The following PCYT1B variants were observed in gnomAD, a reference collection of about 807,000 sequenced individuals.
PCYT1B encodes choline-phosphate cytidylyltransferase B.
In PCYT1B, 10 loss-of-function variants were observed where a neutral mutation model predicts 26.4. The ratio of observed to expected loss-of-function variants is 0.38; its 90% CI spans 0.23 to 0.64. The LOEUF (loss-of-function observed/expected upper bound fraction) is 0.64. Among genes scored for constraint, PCYT1B ranks in the 30% least tolerant of loss-of-function variants. The pLI, the probability that PCYT1B is intolerant of heterozygous loss-of-function variation, is 0.56. For synonymous variants in PCYT1B, 131 were observed against 108.4 expected (o/e 1.21, Z -1.29); for missense variants, 161 against 292.7 (o/e 0.55, Z 3.28).
At chrX:24,626,642 A>G (rs1266470161) in intron 1 of PCYT1B, among the ~76,000 whole-genome samples, 1 of 112,195 alleles carries the variant, frequency 8.9e-6, no homozygotes, top group Non-Finnish European at 1.9e-5. Context: ...TATATTAAGA[A>G]AAGAGGAGTA....
At chrX:24,643,193 C>A (rs1926518012) in intron 1 of PCYT1B, among the ~76,000 whole-genome samples, 1 of 111,120 alleles carries the variant, frequency 9.0e-6, no homozygotes, top group African/African-American at 3.3e-5. Context: ...ACCTGCTGAG[C>A]CCAGAGGATC....
intron 2 of PCYT1B, among the ~76,000 whole-genome samples, chrX:24,618,459 A>G (rs1236312264): frequency 3.6e-5 from 4 of 111,001 alleles, no homozygotes; most frequent in Non-Finnish European, 7.5e-5. Flanking sequence ...CTGGGGCTCA[A>G]ACTCCCTGTA....
chrX:24,613,950 C>CAAAAAAAAAAAAAA (rs200062439), intron 2 of PCYT1B, among the ~76,000 whole-genome samples: 3 of 77,211 alleles, frequency 3.9e-5, no homozygotes, highest in African/African-American at 8.8e-5. Flanking sequence ...AACAACCTGT[C>CAAAAAAAAAAAAAA]AAAAAAAAAA....
chrX:24,568,295 G>T (rs2148219996), intron 7 of PCYT1B, among the ~76,000 whole-genome samples: 1 of 112,090 alleles, frequency 8.9e-6, no homozygotes, highest in South Asian at 3.7e-4. Context: ...CACTTTGGGA[G>T]GCTGAAGTGG....
chrX:24,636,585 C>T (rs1926278249), intron 1 of PCYT1B, among the ~76,000 whole-genome samples: 1 of 112,126 alleles, frequency 8.9e-6, no homozygotes, highest in African/African-American at 3.2e-5. Context: ...TGCACTCCAG[C>T]CTGGGTGAGA....
rs1388616660 is a variant in PCYT1B at position 24,559,192 on chromosome X, C to T, written c.*3101G>A. The T allele has an allele frequency of 1.8e-5, 2 of 109,608 alleles. No individual in the cohort carries two copies. Among genetic ancestry groups the T allele is most frequent in the Admixed American group, 2.0e-4 (2 of 10,241 alleles). The allele number at this position is 109,608 out of a possible 1,213,427, so 9.0% of individuals were successfully genotyped here. A position where few individuals can be genotyped will look rare whatever the true frequency, so the allele number is the denominator to read the frequency against. On this transcript the variant is annotated 3_prime_UTR_variant, in exon 8 of 8. Coordinates refer to ENST00000379144, the MANE Select transcript of PCYT1B (RefSeq NM_004845.5). The stretch of plus-strand genomic sequence containing the variant: ...ATTAGCTGGGTGTCGTGGCAGGCAC[C>T]TGTAATCCCAGCTACTTGGGAGGCT...
At position 24,587,230 on chromosome X, in the gene PCYT1B, G is replaced by A. The variant is rs186666095; in HGVS notation, c.565+11C>T. ...ATGTGGTTGACAGGTGAGCACAGGG[G>A]AATGCCTCACCTGCTTCCTTTATGT... On this transcript the variant is annotated intron_variant, in intron 5 of 7. Coordinates refer to ENST00000379144, the MANE Select transcript of PCYT1B (RefSeq NM_004845.5). 3,980 of 1,146,320 alleles carry A rather than the reference G, an allele frequency of 3.5e-3. 133 individuals carry two copies. In the Admixed American group the frequency reaches 0.078, roughly 22 times the overall value. The allele number at this position is 1,146,320 out of a possible 1,213,427, so 94.5% of individuals were successfully genotyped here. A position where few individuals can be genotyped will look rare whatever the true frequency, so the allele number is the denominator to read the frequency against.
intron 5 of PCYT1B, among the ~76,000 whole-genome samples, chrX:24,582,740 T>G (rs1924244005): frequency 8.9e-6 from 1 of 112,186 alleles, no homozygotes; most frequent in African/African-American, 3.2e-5. Flanking sequence ...AAAGCTTAAG[T>G]CATGCCCTTG....
At chrX:24,598,322 A>G (rs1924850014) in intron 3 of PCYT1B, among the ~76,000 whole-genome samples, 1 of 111,840 alleles carries the variant, frequency 8.9e-6, no homozygotes. Context: ...TAAAATTATT[A>G]TCTGCCTCCA....
At chrX:24,572,696 A>C (rs1923871475) in intron 7 of PCYT1B, among the ~76,000 whole-genome samples, 2 of 111,134 alleles carry the variant, frequency 1.8e-5, no homozygotes, top group Non-Finnish European at 3.8e-5. Flanking sequence ...CAACAGAAAA[A>C]AAGTAATGTC....
chrX:24,587,148 A>T, intron 5 of PCYT1B, 93 bp downstream of exon 5: 1 of 609,484 alleles, frequency 1.6e-6, no homozygotes, highest in Non-Finnish European at 2.7e-6. Context: ...CCCTGTTTGT[A>T]TACACTGCAG....
intron 1 of PCYT1B, among the ~76,000 whole-genome samples, chrX:24,623,242 T>C (rs1482154142): frequency 1.8e-5 from 2 of 109,479 alleles, no homozygotes; most frequent in African/African-American, 6.6e-5. Context: ...AAACCACTAC[T>C]CTTTTGAGCA....
chrX:24,672,429 C>T (rs775807845), intron 1 of PCYT1B: 53 of 436,771 alleles, frequency 1.2e-4, no homozygotes, highest in African/African-American at 4.2e-4. Context: ...CAACTTAAGA[C>T]GGAGAAGATA....
intron 3 of PCYT1B, among the ~76,000 whole-genome samples, chrX:24,601,110 C>A (rs1485633818): frequency 1.8e-5 from 2 of 111,802 alleles, no homozygotes; most frequent in African/African-American, 6.5e-5. Context: ...AGGCATGAAC[C>A]GTGACAGAAA....
intron 1 of PCYT1B, among the ~76,000 whole-genome samples, chrX:24,624,737 G>A (rs1230608278): frequency 8.9e-6 from 1 of 112,026 alleles, no homozygotes; most frequent in African/African-American, 3.2e-5. Flanking sequence ...GCTTCTGTGA[G>A]GGGGTCCTCT....
intron 6 of PCYT1B, among the ~76,000 whole-genome samples, chrX:24,577,574 C>T (rs1363347977): frequency 4.5e-5 from 5 of 111,598 alleles, no homozygotes; most frequent in Non-Finnish European, 7.5e-5. Flanking sequence ...TTTTGTTGCC[C>T]GGCTTATATG....
At chrX:24,580,157 TCAAA>T (rs1465111889) in intron 5 of PCYT1B, among the ~76,000 whole-genome samples, 1 of 112,268 alleles carries the variant, frequency 8.9e-6, no homozygotes, top group Non-Finnish European at 1.9e-5. Context: ...TGACCTTGTC[TCAAA>T]CAAACAAAAA....
intron 6 of PCYT1B, among the ~76,000 whole-genome samples, chrX:24,577,521 TC>T (rs1379336474): frequency 1.8e-5 from 2 of 111,647 alleles, no homozygotes; most frequent in Non-Finnish European, 3.8e-5. Context: ...AGCCACTTGT[TC>T]CAGTGCCACT....
In PCYT1B at chrX:24,647,321, T is replaced by C. The variant is rs1926663307; in HGVS notation, c.-216A>G. On this transcript the variant is annotated 5_prime_UTR_variant, in exon 1 of 8. Transcript: ENST00000379144. ...AGAAGCCAAGAGGCAAGGCCTCAGT[T>C]TATCACTATAACAACCAGACGACAC... 6 of 1,000,144 alleles carry C rather than the reference T, an allele frequency of 6.0e-6. No homozygotes were observed. Among genetic ancestry groups the C allele is most frequent in the Non-Finnish European group, 7.6e-6 (6 of 788,987 alleles). The allele number at this position is 1,000,144 out of a possible 1,213,427, so 82.4% of individuals were successfully genotyped here. A position where few individuals can be genotyped will look rare whatever the true frequency, so the allele number is the denominator to read the frequency against.
Sources: gnomAD v4.1 joint callset for allele counts (sites outside exome capture counted in the v4.1 genomes callset) on GRCh38, gnomAD v4.1.1 for gene constraint, MANE v1.5 for transcripts, NCBI Gene and HGNC (gene_info 2026-07-23, HGNC 2026-07-21) for gene names.